The following ZBTB40 variants were observed in gnomAD, a reference collection of about 807,000 sequenced individuals.
The protein encoded by ZBTB40 is zinc finger and BTB domain-containing protein 40.
ZBTB40 carries 60 observed loss-of-function variants against 117.5 expected under a neutral mutation model. That is an observed-to-expected ratio of 0.51 (90% confidence interval 0.41 to 0.63). The LOEUF (loss-of-function observed/expected upper bound fraction) is 0.63, where lower values mean the gene tolerates loss of function less well. Ranked by LOEUF, ZBTB40 falls within the 30% of genes least tolerant of loss-of-function variation. The pLI, the probability that ZBTB40 is intolerant of heterozygous loss-of-function variation, is 0.00. For synonymous variants in ZBTB40, 525 were observed against 577.1 expected (o/e 0.91, Z 1.29); for missense variants, 1,287 against 1,498.5 (o/e 0.86, Z 2.33).
chr1:22,472,987 C>T (rs1179510991), intron 1 of ZBTB40, among the ~76,000 whole-genome samples: 1 of 152,174 alleles, frequency 6.6e-6, no homozygotes, highest in Non-Finnish European at 1.5e-5. Context: ...CCCAGAGATA[C>T]TTTGGACATT....
chr1:22,517,240 G>A, intron 12 of ZBTB40, 60 bp from the exon 13 acceptor site: 1 of 1,605,266 alleles, frequency 6.2e-7, no homozygotes, highest in Non-Finnish European at 8.5e-7. Context: ...ATTAGATTTT[G>A]TTTGTAGCAA....
In ZBTB40 at chr1:22,530,174, G is replaced by A. The variant is rs1639793077; in HGVS notation, c.*3778G>A. The A allele has an allele frequency of 6.6e-6, 1 of 152,340 alleles. No homozygotes were observed. The highest frequency in any genetic ancestry group is 1.5e-5 in the Non-Finnish European group (1 of 68,114). The allele number at this position is 152,340 out of a possible 1,614,324, so 9.4% of individuals were successfully genotyped here. A position where few individuals can be genotyped will look rare whatever the true frequency, so the allele number is the denominator to read the frequency against. On this transcript the variant is annotated 3_prime_UTR_variant, in exon 18 of 18. Coordinates refer to ENST00000375647, the MANE Select transcript of ZBTB40 (RefSeq NM_014870.4). The stretch of plus-strand genomic sequence containing the variant: ...TTAAATTGGGCCTAGGCAGTTGGAC[G>A]ATAATGGAGAAAAAGCAGGGATGCT...
intron 1 of ZBTB40, among the ~76,000 whole-genome samples, chr1:22,473,337 A>T (rs908034867): frequency 1.6e-4 from 25 of 152,188 alleles, no homozygotes; most frequent in African/African-American, 5.8e-4. Context: ...GGTCAGACTG[A>T]CTGTATGAAA....
Position 22,431,427 on chromosome 1 carries a change from T to C in ZBTB40, c.-70+2413T>C, listed in dbSNP as rs1029662345. ...ATATATATGTATATATAGTAATTGT[T>C]ATACGTCCTCAGTGTAAAGATCTTT... On this transcript the variant is annotated intron_variant, in intron 1 of 8. Transcript: ENST00000650433. Among the ~76,000 whole-genome samples the C allele has an allele frequency of 1.5e-3, 216 of 146,984 alleles. 1 individual carries two copies. Among genetic ancestry groups the C allele is most frequent in the African/African-American group, 5.3e-3 (209 of 39,602 alleles).
rs2281353 is a variant in ZBTB40, at chr1:22,526,736, G to C, written c.*340G>C. ...AGTGGGATGGGAGCTGGTGACCAGGGTACCCCAGGAGGCATGATGTGCCGA... is the reference window on the plus strand; with the variant it reads ...AGTGGGATGGGAGCTGGTGACCAGGCTACCCCAGGAGGCATGATGTGCCGA... On this transcript the variant is annotated 3_prime_UTR_variant, in exon 18 of 18. Coordinates refer to ENST00000375647, the MANE Select transcript of ZBTB40 (RefSeq NM_014870.4). The C allele has an allele frequency of 0.02, 7,061 of 359,202 alleles. 188 individuals carry two copies. The highest frequency in any genetic ancestry group is 0.074 in the Admixed American group (1,920 of 26,002). The allele number at this position is 359,202 out of a possible 1,614,324, so 22.3% of individuals were successfully genotyped here.
chr1:22,452,440 A>G (rs1398910292), intron 1 of ZBTB40, among the ~76,000 whole-genome samples: 1 of 152,262 alleles, frequency 6.6e-6, no homozygotes, highest in African/African-American at 2.4e-5. Context: ...TACAGTTGCA[A>G]ATGGTTAGGG....
intron 1 of ZBTB40, among the ~76,000 whole-genome samples, chr1:22,468,205 G>A (rs1231832013): frequency 6.6e-6 from 1 of 152,008 alleles, no homozygotes; most frequent in Non-Finnish European, 1.5e-5. Context: ...AAACTATAAG[G>A]ATGTTAAGGC....
intron 1 of ZBTB40, among the ~76,000 whole-genome samples, chr1:22,431,628 C>T (rs919792804): frequency 2.0e-5 from 3 of 151,536 alleles, no homozygotes; most frequent in African/African-American, 4.9e-5. Context: ...CCCAGCTACT[C>T]GGGAGGCTGA....
intron 1 of ZBTB40, among the ~76,000 whole-genome samples, chr1:22,464,872 A>G (rs1414645754): frequency 1.3e-5 from 2 of 152,182 alleles, no homozygotes; most frequent in East Asian, 1.9e-4. Context: ...TTCCCCCACA[A>G]AAGTATTTAT....
intron 1 of ZBTB40, among the ~76,000 whole-genome samples, chr1:22,478,817 C>T (rs1641612803): frequency 6.6e-6 from 1 of 152,094 alleles, no homozygotes. Flanking sequence ...ACATACATTA[C>T]AATAATCTTA....
intron 1 of ZBTB40, among the ~76,000 whole-genome samples, chr1:22,461,193 A>C (rs1057475825): frequency 6.6e-6 from 1 of 151,958 alleles, no homozygotes; most frequent in Admixed American, 6.6e-5. Flanking sequence ...CAGTTTGACC[A>C]CTCTAGACAC....
chr1:22,432,665 T>G (rs539628131), intron 1 of ZBTB40, among the ~76,000 whole-genome samples: 9 of 152,354 alleles, frequency 5.9e-5, no homozygotes, highest in African/African-American at 2.2e-4. Flanking sequence ...CCTGTTCAGA[T>G]TTCCATGGTT....
chr1:22,438,261 T>C (rs1359651471), intron 1 of ZBTB40, among the ~76,000 whole-genome samples: 1 of 152,230 alleles, frequency 6.6e-6, no homozygotes, highest in Non-Finnish European at 1.5e-5. Flanking sequence ...GTATTTTATA[T>C]TAGTAGGATC....
upstream of ZBTB40, among the ~76,000 whole-genome samples, chr1:22,449,434 T>A (rs902744234): frequency 3.9e-5 from 6 of 152,172 alleles, no homozygotes; most frequent in African/African-American, 1.4e-4. Flanking sequence ...TTCTTCCATA[T>A]CATGACCAGC....
At chr1:22,503,865 C>G (rs1422984306) in intron 5 of ZBTB40, among the ~76,000 whole-genome samples, 1 of 152,076 alleles carries the variant, frequency 6.6e-6, no homozygotes, top group African/African-American at 2.4e-5. Flanking sequence ...TCATTCAGAC[C>G]TTTTTCTTTT....
In ZBTB40 at chr1:22,521,634, A is replaced by C. The variant is rs1639529238; in HGVS notation, c.3187A>C (p.Lys1063Gln). The stretch of plus-strand genomic sequence containing the variant: ...CTTCCCCAACACCATTGAGCACAAG[A>C]AGCACATCAAAGCAGAACATGCAGG... ...KTFPNTIEHK[K>Q]HIKAEHADMK... is the part of the protein sequence containing the mutation. Residue 1063 changes from lysine to glutamine, a missense_variant, in exon 15 of 18, where the codon AAG becomes CAG. This residue lies in a region of ZBTB40 where 417 missense variants were observed against 564.1 expected (regional missense o/e 0.74). Transcript: ENST00000375647. 6.2e-7 allele frequency: 1 copy of C among 1,614,126 alleles called. No homozygotes were observed. The highest frequency in any genetic ancestry group is 1.1e-5 in the South Asian group (1 of 91,092).
chr1:22,497,800 T>C (rs1311211061), intron 3 of ZBTB40, among the ~76,000 whole-genome samples: 1 of 152,188 alleles, frequency 6.6e-6, no homozygotes, highest in Non-Finnish European at 1.5e-5. Context: ...CTTAAGCAAG[T>C]TACTTAACCT....
At chr1:22,479,279 A>T (rs1638224661) in intron 1 of ZBTB40, among the ~76,000 whole-genome samples, 1 of 152,096 alleles carries the variant, frequency 6.6e-6, no homozygotes, top group Admixed American at 6.5e-5. Context: ...AGTGGAGATG[A>T]TGTTTGATAA....
At chr1:22,456,030 T>A (rs572192256) in intron 1 of ZBTB40, among the ~76,000 whole-genome samples, 16 of 151,970 alleles carry the variant, frequency 1.1e-4, no homozygotes, top group African/African-American at 3.6e-4. Context: ...TTCAGCAGAG[T>A]GAGCTCTTTG....
Sources: gnomAD v4.1 joint callset for allele counts (sites outside exome capture counted in the v4.1 genomes callset) on GRCh38, gnomAD v4.1.1 for gene constraint, gnomAD v4.1.1 regional missense constraint, MANE v1.5 for transcripts, NCBI Gene and HGNC (gene_info 2026-07-23, HGNC 2026-07-21) for gene names.